Variants in MAOA observed in about 807,000 individuals in gnomAD.
The protein encoded by MAOA is monoamine oxidase A.
Under a neutral mutation model 42.0 loss-of-function variants are expected in MAOA, and 6 were observed. The ratio of observed to expected loss-of-function variants is 0.14; its 90% CI spans 0.08 to 0.28. The LOEUF is 0.28. Ranked by LOEUF, MAOA falls within the 10% of genes least tolerant of loss-of-function variation. The pLI, the probability that MAOA is intolerant of heterozygous loss-of-function variation, is 1.00. For synonymous variants in MAOA, 140 were observed against 154.0 expected, an observed-to-expected ratio of 0.91 and a Z score of 0.67; for missense variants, 262 against 422.3, an observed-to-expected ratio of 0.62 and a Z score of 3.33.
chrX:43,664,748 T>A (rs1341255138), intron 1 of MAOA, among the ~76,000 whole-genome samples: 2 of 111,780 alleles, frequency 1.8e-5, no homozygotes, highest in African/African-American at 6.5e-5. Flanking sequence ...GTAAAATTTG[T>A]GGGGTTTGCT....
intron 5 of MAOA, among the ~76,000 whole-genome samples, chrX:43,725,562 T>A (rs924630419): frequency 9.0e-6 from 1 of 111,037 alleles, no homozygotes; most frequent in East Asian, 2.8e-4. Flanking sequence ...AGCCTATGTG[T>A]GTCTTTGCAT....
intron 2 of MAOA, among the ~76,000 whole-genome samples, chrX:43,685,098 G>A (rs777243185): frequency 8.2e-5 from 9 of 109,778 alleles, no homozygotes; most frequent in African/African-American, 2.7e-4. Context: ...GGCTTGTTGC[G>A]AACTCCTGAC....
chrX:43,656,558 T>C, intron 1 of MAOA, 144 bp downstream of exon 1: 1 of 562,158 alleles, frequency 1.8e-6, no homozygotes. Context: ...TCCTGCGAGG[T>C]AGGAGTGGGG....
intron 10 of MAOA, among the ~76,000 whole-genome samples, chrX:43,737,426 A>G (rs1193891339): frequency 8.9e-6 from 1 of 112,036 alleles, no homozygotes; most frequent in African/African-American, 3.2e-5. Flanking sequence ...TATTTCTCAC[A>G]GTTCTAGAGG....
At chrX:43,669,309 T>C (rs1204108396) in intron 1 of MAOA, among the ~76,000 whole-genome samples, 1 of 108,639 alleles carries the variant, frequency 9.2e-6, no homozygotes, top group African/African-American at 3.4e-5. Flanking sequence ...TCCCAGCTAC[T>C]TGGGAGGCTG....
upstream of MAOA, chrX:43,655,988 G>A (rs1462199225): frequency 3.9e-6 from 1 of 256,511 alleles, no homozygotes; most frequent in Non-Finnish European, 7.2e-6. Context: ...CTCAGTGCCT[G>A]ACACTCCGCG....
At chrX:43,673,715 T>C (rs1304131723) in intron 1 of MAOA, among the ~76,000 whole-genome samples, 3 of 111,926 alleles carry the variant, frequency 2.7e-5, no homozygotes, top group Non-Finnish European at 5.6e-5. Flanking sequence ...CCAGTAGTCA[T>C]TCAGGAGCAG....
At chrX:43,656,496 G>C (rs2033180930) in intron 1 of MAOA, 82 bp downstream of exon 1, 4 of 904,357 alleles carry the variant, frequency 4.4e-6, no homozygotes, top group Admixed American at 2.2e-5. Context: ...TGTGGTGTTT[G>C]GGGGTCTCTC....
chrX:43,683,344 A>G (rs998208231), intron 1 of MAOA, among the ~76,000 whole-genome samples, 169 bp from the exon 2 acceptor site: 1 of 112,132 alleles, frequency 8.9e-6, no homozygotes, highest in African/African-American at 3.2e-5. Context: ...ATGACAGATA[A>G]TAAAAATTGG....
At position 43,744,185 on chromosome X, in the gene MAOA, C is replaced by T. The variant is rs372158657; in HGVS notation, c.1437+14C>T. 200 of 1,188,180 alleles carry T rather than the reference C, an allele frequency of 1.7e-4. No individual in the cohort carries two copies. Among genetic ancestry groups the T allele is most frequent in the Non-Finnish European group, 2.2e-4 (192 of 875,887 alleles). On this transcript the variant is annotated intron_variant, in intron 14 of 14. Transcript: ENST00000338702. ...CCTGAATCAAAGGTAAGTTTGGTGA[C>T]TCTGGGCACTATCTCTCCTTAGACC...
intron 13 of MAOA, 56 bp from the exon 14 acceptor site, chrX:43,744,053 G>C (rs962718713): frequency 5.9e-6 from 7 of 1,194,837 alleles, no homozygotes; most frequent in Non-Finnish European, 6.8e-6. Flanking sequence ...GCAGGGCCTT[G>C]AATCTGTAGA....
intron 11 of MAOA, 38 bp from the exon 12 acceptor site, chrX:43,741,912 G>A (rs746757883): frequency 7.5e-5 from 90 of 1,207,849 alleles, no homozygotes; most frequent in Non-Finnish European, 9.5e-5. Context: ...TTTCAGCTTT[G>A]TTTTCTCTTT....
intron 1 of MAOA, among the ~76,000 whole-genome samples, chrX:43,678,717 T>G (rs1052951421): frequency 4.5e-5 from 5 of 111,904 alleles, no homozygotes; most frequent in Non-Finnish European, 9.4e-5. Flanking sequence ...GACTTACATC[T>G]TAAAGTAGGA....
intron 3 of MAOA, among the ~76,000 whole-genome samples, chrX:43,709,849 GCTTCTTAAGTCTCTATTTTTA>G (rs1162091544): frequency 8.9e-6 from 1 of 111,771 alleles, no homozygotes; most frequent in African/African-American, 3.3e-5. Flanking sequence ...CACCCCTGAA[GCTTCTTAAGTCTCTATTTTTA>G]CTCCTTAGAA....
chrX:43,660,022 T>A (rs1000427405), intron 1 of MAOA, among the ~76,000 whole-genome samples: 34 of 111,575 alleles, frequency 3.0e-4, no homozygotes, highest in Non-Finnish European at 1.9e-5. Flanking sequence ...ATTCATAACG[T>A]GAATAATGTA....
rs920348553 is a variant in MAOA at position 43,708,163 on chromosome X, T to C, written c.307-3709T>C. On this transcript the variant is annotated intron_variant, in intron 3 of 14. Coordinates refer to ENST00000338702, the MANE Select transcript of MAOA (RefSeq NM_000240.4). Reference sequence around the variant, plus strand: ...ACAATTTCTGCTGTATCAAAGACACTGCCCTTTAGAGATTAAAGGCCACTT... The same window carrying C: ...ACAATTTCTGCTGTATCAAAGACACCGCCCTTTAGAGATTAAAGGCCACTT... 1.1e-4 allele frequency among the ~76,000 whole-genome samples: 12 copies of C among 111,261 alleles called. 1 individual carries two copies. The highest frequency in any genetic ancestry group is 2.1e-4 in the Non-Finnish European group (11 of 53,054).
intron 3 of MAOA, among the ~76,000 whole-genome samples, chrX:43,705,677 A>G (rs2033654093): frequency 8.9e-6 from 1 of 112,256 alleles, no homozygotes; most frequent in Non-Finnish European, 1.9e-5. Flanking sequence ...GACAATCCAT[A>G]GAATGGGAGA....
At chrX:43,685,439 A>G (rs1014370289) in intron 2 of MAOA, among the ~76,000 whole-genome samples, 4 of 112,171 alleles carry the variant, frequency 3.6e-5, no homozygotes, top group African/African-American at 9.7e-5. Flanking sequence ...ACTAGGCTAC[A>G]TAATGGAAGC....
chrX:43,663,175 A>T (rs192014093), intron 1 of MAOA, among the ~76,000 whole-genome samples: 2 of 110,602 alleles, frequency 1.8e-5, no homozygotes, highest in East Asian at 5.7e-4. Context: ...TTTTTCTTCT[A>T]TGCTTTATTC....
Sources: gnomAD v4.1 joint callset for allele counts (sites outside exome capture counted in the v4.1 genomes callset) on GRCh38, gnomAD v4.1.1 for gene constraint, MANE v1.5 for transcripts, NCBI Gene and HGNC (gene_info 2026-07-23, HGNC 2026-07-21) for gene names.